TRPV4: variants seen among roughly 807,000 people sequenced by gnomAD.
TRPV4 encodes the protein transient receptor potential cation channel subfamily V member 4.
A neutral mutation model predicts 84.1 loss-of-function variants in TRPV4; 58 were observed. The ratio of observed to expected loss-of-function variants is 0.69; its 90% CI spans 0.56 to 0.86. The LOEUF (loss-of-function observed/expected upper bound fraction) is 0.86, where lower values mean the gene tolerates loss of function less well. Ranked by LOEUF, TRPV4 falls within the 40% of genes least tolerant of loss-of-function variation. TRPV4 has a pLI of 0.00. For missense variants in TRPV4, 879 were observed against 1,181.1 expected (o/e 0.74, Z 3.75); for synonymous variants, 489 against 500.9 (o/e 0.98, Z 0.32).
chr12:109,831,406 T>C (rs939669723), intron 1 of TRPV4, among the ~76,000 whole-genome samples: 1 of 152,226 alleles, frequency 6.6e-6, no homozygotes. Context: ...GCGTCGGCCA[T>C]CCATGCACAC....
In TRPV4 at chr12:109,793,951, C is replaced by A. The variant is rs750906932; in HGVS notation, c.1563G>T (p.Gly521=). The change falls in exon 9 of 16, where the codon GGG becomes GGT. Residue 521 remains glycine, a synonymous_variant. Coordinates refer to ENST00000261740, the MANE Select transcript of TRPV4 (RefSeq NM_021625.5). The surrounding 1 kb of genome is among the most constrained non-coding windows in gnomAD (Gnocchi z 4.0). ...TTACGTTGGTGAAGAAGAACAGGAC[C>A]CCAGTGAAGAGCGTAATGACCTCGC... ...LAGEVITLFT[G]VLFFFTNIKD... 6.2e-7 allele frequency: 1 copy of A among 1,610,398 alleles called. No individual in the cohort carries two copies.
intron 1 of TRPV4, among the ~76,000 whole-genome samples, chr12:109,827,292 C>T (rs1434912422): frequency 6.6e-6 from 1 of 152,192 alleles, no homozygotes; most frequent in East Asian, 1.9e-4. Context: ...GACACTCACT[C>T]AAGCACACTT....
intron 13 of TRPV4, among the ~76,000 whole-genome samples, chr12:109,788,048 C>T (rs1263652951): frequency 1.3e-5 from 2 of 152,230 alleles, no homozygotes; most frequent in Non-Finnish European, 2.9e-5. Context: ...AAAGCTGCCC[C>T]TGGGCTCAGC....
In TRPV4 at chr12:109,793,451, C is replaced by T. The variant is rs1281576762; in HGVS notation, c.1658+76G>A. 9 of 1,282,608 alleles carry T rather than the reference C, an allele frequency of 7.0e-6. No homozygotes were observed. The highest frequency in any genetic ancestry group is 1.0e-5 in the Non-Finnish European group (9 of 879,518). The allele number at this position is 1,282,608 out of a possible 1,614,324, so 79.5% of individuals were successfully genotyped here. A position where few individuals can be genotyped will look rare whatever the true frequency, so the allele number is the denominator to read the frequency against. The stretch of plus-strand genomic sequence containing the variant: ...TCATTTCTAACAGAATCACCTCTCT[C>T]CTGAATCTGGACGACCTAGCAGCCC... On this transcript the variant is annotated intron_variant, in intron 10 of 15. Coordinates refer to ENST00000261740, the MANE Select transcript of TRPV4 (RefSeq NM_021625.5). This position sits in a 1 kb window ranked among gnomAD's most constrained non-coding sequence, Gnocchi z 4.0.
In TRPV4 at chr12:109,794,016, A is replaced by G. The variant is rs766740337; in HGVS notation, c.1498T>C (p.Tyr500His). Reference protein sequence around the residue: ...YYQPLEGTPPYPYRTTVDYLR... With the variant: ...YYQPLEGTPPHPYRTTVDYLR... ...TAGTCCACCGTGGTGCGGTAAGGGT[A>G]CGGCGGCTGGGGAGCAGCAAGGGCA... Residue 500 changes from tyrosine to histidine, a missense_variant, in exon 9 of 16, where the codon TAC becomes CAC. Around this residue, in one of 4 missense-constraint regions of TRPV4, gnomAD observed 521 missense variants for 686.6 expected, o/e 0.76. Transcript: ENST00000261740. 1 of 1,604,656 alleles carries G rather than the reference A, an allele frequency of 6.2e-7. No homozygotes were observed. The highest frequency in any genetic ancestry group is 1.1e-5 in the South Asian group (1 of 88,610).
rs557741767 is a variant in TRPV4, at chr12:109,788,821, G to A, written c.1892-105C>T. On this transcript the variant is annotated intron_variant, in intron 12 of 15. Transcript: ENST00000261740. ...AGGAGAAAGCTGAGGCCTAGTGAGC[G>A]GAGCACGCTGGCCCACACGCTGACC... The A allele has an allele frequency of 2.7e-5, 36 of 1,317,200 alleles. No individual in the cohort carries two copies. The East Asian group carries it at 3.1e-4, about 11-fold the overall frequency. The allele number at this position is 1,317,200 out of a possible 1,614,324, so 81.6% of individuals were successfully genotyped here. A position where few individuals can be genotyped will look rare whatever the true frequency, so the allele number is the denominator to read the frequency against.
At position 109,783,857 on chromosome 12, in the gene TRPV4, C is replaced by G; in HGVS notation, c.2459-79G>C. 2 of 1,503,666 alleles carry G rather than the reference C, an allele frequency of 1.3e-6. No homozygotes were observed. Among genetic ancestry groups the G allele is most frequent in the Non-Finnish European group, 1.8e-6 (2 of 1,098,882 alleles). 93.1% of individuals were successfully genotyped at this position (1,503,666 alleles called of 1,614,324 possible). ...GCGTATATTGAGTGCCTACTGTGTA[C>G]TGGGCACTCCACAGTGTTCTGAAGG... On this transcript the variant is annotated intron_variant, in intron 15 of 15. Coordinates refer to ENST00000261740, the MANE Select transcript of TRPV4 (RefSeq NM_021625.5). The surrounding 1 kb of genome is among the most constrained non-coding windows in gnomAD (Gnocchi z 4.6).
intron 7 of TRPV4, among the ~76,000 whole-genome samples, chr12:109,794,817 A>G (rs1226590864): frequency 6.6e-6 from 1 of 152,210 alleles, no homozygotes; most frequent in African/African-American, 2.4e-5. Context: ...CAGCAGTTCA[A>G]GATCAGCCTG....
rs1060504550 is a variant in TRPV4 at position 109,794,371 on chromosome 12, G to C, written c.1449C>G (p.Val483=). 17 of 1,613,394 alleles carry C rather than the reference G, an allele frequency of 1.1e-5. No homozygotes were observed. The highest frequency in any genetic ancestry group is 8.0e-5 in the African/African-American group (6 of 74,920). ...GGTAGTAGGCGGTGAGAGTGAAGAT[G>C]ACCATGGCACACAGGTAGGAGACCA... ...INVVSYLCAM[V]IFTLTAYYQP... The change falls in exon 8 of 16, where the codon GTC becomes GTG. Residue 483 remains valine (V), a synonymous_variant. Coordinates refer to ENST00000261740, the MANE Select transcript of TRPV4 (RefSeq NM_021625.5).
In TRPV4 at chr12:109,814,330, T is replaced by A; in HGVS notation, c.386+81A>T. On this transcript the variant is annotated intron_variant, in intron 2 of 15. Coordinates refer to ENST00000261740, the MANE Select transcript of TRPV4 (RefSeq NM_021625.5). The surrounding 1 kb of genome is among the most constrained non-coding windows in gnomAD (Gnocchi z 5.4). ...ATGGATGAATCGACGGATGGGTGGA[T>A]AATAGATAGAGGGGTGGATGATGAA... 6.7e-7 allele frequency: 1 copy of A among 1,497,540 alleles called. No homozygotes were observed. The highest frequency in any genetic ancestry group is 9.1e-7 in the Non-Finnish European group (1 of 1,093,916). 92.8% of individuals were successfully genotyped at this position (1,497,540 alleles called of 1,614,324 possible).
Position 109,793,613 on chromosome 12 carries a change from A to AG in TRPV4, c.1585-14dup. The AG allele has an allele frequency of 6.2e-7, 1 of 1,612,540 alleles. No individual in the cohort carries two copies. The highest frequency in any genetic ancestry group is 8.5e-7 in the Non-Finnish European group (1 of 1,178,748). On this transcript the variant is annotated splice_polypyrimidine_tract_variant and intron_variant, in intron 9 of 15. Transcript: ENST00000261740. The surrounding 1 kb of genome is among the most constrained non-coding windows in gnomAD (Gnocchi z 4.0). The stretch of plus-strand genomic sequence containing the variant: ...ACAAGTCTTTGATCTGGAAGACAGG[A>AG]GGGGGCACGTGAAAGGGGTGGGGCC...
chr12:109,812,822 G>A (rs1382911681), intron 2 of TRPV4, among the ~76,000 whole-genome samples: 8 of 152,254 alleles, frequency 5.3e-5, no homozygotes. Context: ...TAGATGAATG[G>A]AAGGTTGGTT....
intron 1 of TRPV4, among the ~76,000 whole-genome samples, chr12:109,825,154 C>A (rs1024467293): frequency 7.9e-5 from 12 of 151,850 alleles, no homozygotes; most frequent in African/African-American, 2.7e-4. Flanking sequence ...CCAGCCTGGG[C>A]AAAATGGTGA....
At position 109,788,642 on chromosome 12, in the gene TRPV4, T is replaced by G. The variant is rs746775876; in HGVS notation, c.1966A>C (p.Thr656Pro). ...NEDQTNCTVPTYPSCRDSETF... is the reference protein window; with the variant it reads ...NEDQTNCTVPPYPSCRDSETF... ...TCGCTGTCACGGCACGAGGGGTAAG[T>G]GGGCACTGTGCAGTTGGTCTGGTCC... The change falls in exon 13 of 16, where the codon ACT becomes CCT. Residue 656 changes from threonine (T) to proline (P), a missense_variant. Thr to Pro is a conservative substitution (Grantham distance 38). This residue lies in a region of TRPV4 where 242 missense variants were observed against 355.3 expected (regional missense o/e 0.68). Transcript: ENST00000261740. 6.2e-7 allele frequency: 1 copy of G among 1,614,164 alleles called. No individual in the cohort carries two copies. Among genetic ancestry groups the G allele is most frequent in the East Asian group, 2.2e-5 (1 of 44,882 alleles).
intron 1 of TRPV4, among the ~76,000 whole-genome samples, chr12:109,824,891 G>T (rs569666479): frequency 2.5e-4 from 38 of 152,268 alleles, no homozygotes; most frequent in African/African-American, 8.9e-4. Flanking sequence ...CATCTCATCT[G>T]CCACTCACTG....
rs1158685617 is a variant in TRPV4 at position 109,803,039 on chromosome 12, T to C, written c.664A>G (p.Asn222Asp). ...GGCGAGTTAATGAACTCCCTCATGT[T>C]GCCGGTGCGCTCCGCGATGTCCAGC... ...VLLDIAERTG[N>D]MREFINSPFR... The change falls in exon 4 of 16, where the codon AAC becomes GAC. Residue 222 changes from asparagine to aspartate, a missense_variant. Asn to Asp is a conservative substitution (Grantham distance 23, BLOSUM62 1). Coordinates refer to ENST00000261740, the MANE Select transcript of TRPV4 (RefSeq NM_021625.5). 6.2e-7 allele frequency: 1 copy of C among 1,614,084 alleles called. No individual in the cohort carries two copies. The highest frequency in any genetic ancestry group is 8.5e-7 in the Non-Finnish European group (1 of 1,180,054).
At chr12:109,811,979 C>T (rs1468087231) in intron 2 of TRPV4, among the ~76,000 whole-genome samples, 1 of 152,140 alleles carries the variant, frequency 6.6e-6, no homozygotes, top group Non-Finnish European at 1.5e-5. Flanking sequence ...CCTGCTGAGG[C>T]TCAGGAGGAG....
intron 12 of TRPV4, among the ~76,000 whole-genome samples, chr12:109,789,225 A>G (rs77363823): frequency 0.025 from 3,756 of 152,174 alleles, 169 homozygotes; most frequent in African/African-American, 0.087. Flanking sequence ...TGGTTGTTAC[A>G]ACTGGGGGTG....
chr12:109,789,099 C>T (rs1889881771), intron 12 of TRPV4, among the ~76,000 whole-genome samples: 1 of 152,164 alleles, frequency 6.6e-6, no homozygotes, highest in African/African-American at 2.4e-5. Context: ...TTCACCCCTC[C>T]TTACACAACC....
Sources: gnomAD v4.1 joint callset for allele counts (sites outside exome capture counted in the v4.1 genomes callset) on GRCh38, gnomAD v4.1.1 for gene constraint, gnomAD v4.1.1 regional missense constraint, Gnocchi (gnomAD v3.1) non-coding constraint, MANE v1.5 for transcripts, NCBI Gene and HGNC (gene_info 2026-07-23, HGNC 2026-07-21) for gene names.